Variants in HERC3 observed in about 807,000 individuals in gnomAD.
HERC3 encodes probable E3 ubiquitin-protein ligase HERC3.
Under a neutral mutation model 129.9 loss-of-function variants are expected in HERC3, and 58 were observed. The observed-to-expected ratio is 0.45, with a 90% CI of 0.36 to 0.56. HERC3 has a LOEUF of 0.56. HERC3 is among the 20% of genes least tolerant of loss of function. The pLI, the probability that HERC3 is intolerant of heterozygous loss-of-function variation, is 0.00. For missense variants in HERC3, 835 were observed against 1,244.2 expected, an observed-to-expected ratio of 0.67 and a Z score of 4.95; for synonymous variants, 430 against 451.0, an observed-to-expected ratio of 0.95 and a Z score of 0.59.
chr4:88,678,297 C>T (rs1242187386), intron 19 of HERC3, among the ~76,000 whole-genome samples, 163 bp downstream of exon 19: 1 of 152,166 alleles, frequency 6.6e-6, no homozygotes, highest in Non-Finnish European at 1.5e-5. Context: ...AAACAGAACA[C>T]CTCAATGTAA....
At chr4:88,634,168 G>C (rs556767388) in intron 3 of HERC3, among the ~76,000 whole-genome samples, 1 of 152,294 alleles carries the variant, frequency 6.6e-6, no homozygotes, top group East Asian at 1.9e-4. Flanking sequence ...GGTGGTTAGT[G>C]AGTGTGCTAC....
At chr4:88,618,859 A>G (rs1725205385) in intron 3 of HERC3, among the ~76,000 whole-genome samples, 1 of 152,256 alleles carries the variant, frequency 6.6e-6, no homozygotes, top group African/African-American at 2.4e-5. Flanking sequence ...GTCAGAAAAC[A>G]ACTAACACTA....
At chr4:88,631,870 C>T (rs1726805027) in intron 3 of HERC3, among the ~76,000 whole-genome samples, 1 of 152,316 alleles carries the variant, frequency 6.6e-6, no homozygotes, top group African/African-American at 2.4e-5. Context: ...ACATGCCTTC[C>T]TGTCTTCGAC....
chr4:88,581,209 C>T, the HERC3 span, among the ~76,000 whole-genome samples: 1 of 152,076 alleles, frequency 6.6e-6, no homozygotes, highest in Non-Finnish European at 1.5e-5. Context: ...GTTTCTAGAG[C>T]CAGCTTGTAA....
chr4:88,641,301 A>G (rs993248276), intron 3 of HERC3, among the ~76,000 whole-genome samples: 1 of 152,228 alleles, frequency 6.6e-6, no homozygotes, highest in Non-Finnish European at 1.5e-5. Flanking sequence ...TGTGGGATAT[A>G]GCTTAAAGCA....
At chr4:88,681,061 T>C in intron 20 of HERC3, 98 bp from the exon 21 acceptor site, 1 of 1,473,030 alleles carries the variant, frequency 6.8e-7, no homozygotes, top group Non-Finnish European at 9.0e-7. Flanking sequence ...GAGACCTTTA[T>C]TCTTTTATTT....
At chr4:88,651,233 T>A (rs1729241700) in intron 4 of HERC3, among the ~76,000 whole-genome samples, 1 of 152,230 alleles carries the variant, frequency 6.6e-6, no homozygotes. Context: ...TGAAGTAATC[T>A]GTTCTACAGT....
intron 23 of HERC3, among the ~76,000 whole-genome samples, chr4:88,702,679 A>G (rs906719118): frequency 6.6e-6 from 1 of 152,208 alleles, no homozygotes; most frequent in Non-Finnish European, 1.5e-5. Context: ...ATATTGCAAG[A>G]AAATGCTGCA....
the HERC3 span, among the ~76,000 whole-genome samples, chr4:88,578,245 G>A: frequency 1.3e-5 from 2 of 152,240 alleles, no homozygotes; most frequent in Non-Finnish European, 2.9e-5. Flanking sequence ...GAGAAAAAAT[G>A]TATCTATTGA....
upstream of HERC3, among the ~76,000 whole-genome samples, chr4:88,591,913 C>T (rs951183737): frequency 2.0e-5 from 3 of 152,024 alleles, no homozygotes; most frequent in African/African-American, 7.2e-5. Context: ...GGTCTTCGAT[C>T]CCCACCTCTC....
chr4:88,632,349 A>C (rs76078121), intron 3 of HERC3, among the ~76,000 whole-genome samples: 22,008 of 152,254 alleles, frequency 0.14, 1,738 homozygotes, highest in East Asian at 0.2. Flanking sequence ...AAGACCCAGA[A>C]TCTTGTAACG....
At chr4:88,676,680 C>T (rs899891565) in intron 18 of HERC3, among the ~76,000 whole-genome samples, 3 of 152,188 alleles carry the variant, frequency 2.0e-5, no homozygotes, top group African/African-American at 2.4e-5. Context: ...GTCTCTGTTA[C>T]AACTATTCAA....
At chr4:88,647,608 T>TGGAC (rs1219659275) in intron 3 of HERC3, among the ~76,000 whole-genome samples, 3 of 152,186 alleles carry the variant, frequency 2.0e-5, no homozygotes, top group Non-Finnish European at 1.5e-5. Flanking sequence ...TTAAAGAAGA[T>TGGAC]GGACAATGGG....
intron 21 of HERC3, among the ~76,000 whole-genome samples, chr4:88,683,956 C>T (rs1443588234): frequency 6.6e-6 from 1 of 151,976 alleles, no homozygotes; most frequent in African/African-American, 2.4e-5. Flanking sequence ...TACCACTGCT[C>T]AAAGAAATAA....
intron 23 of HERC3, among the ~76,000 whole-genome samples, chr4:88,698,033 C>T (rs1404447426): frequency 6.6e-6 from 1 of 152,160 alleles, no homozygotes; most frequent in Non-Finnish European, 1.5e-5. Flanking sequence ...TGTTCCCAGC[C>T]CACCCATGTA....
chr4:88,662,090 A>G (rs1730549922), intron 10 of HERC3, among the ~76,000 whole-genome samples: 1 of 152,192 alleles, frequency 6.6e-6, no homozygotes, highest in African/African-American at 2.4e-5. Context: ...AATGCAATTC[A>G]GTTATAACAG....
the HERC3 span, among the ~76,000 whole-genome samples, chr4:88,564,476 G>A: frequency 1.2e-4 from 19 of 152,258 alleles, no homozygotes; most frequent in East Asian, 2.1e-3. Context: ...GTCTATTCAC[G>A]TTTTGGATTT....
At chr4:88,645,615 A>C (rs1236739846) in intron 3 of HERC3, among the ~76,000 whole-genome samples, 2 of 152,142 alleles carry the variant, frequency 1.3e-5, no homozygotes, top group African/African-American at 4.8e-5. Context: ...CAATCTGATA[A>C]CAGGGGCAGC....
chr4:88,689,289 G>T (rs1470142423), intron 23 of HERC3, among the ~76,000 whole-genome samples: 1 of 151,262 alleles, frequency 6.6e-6, no homozygotes, highest in Non-Finnish European at 1.5e-5. Context: ...TGAATTGCTT[G>T]AGCTCAGAAG....
Sources: gnomAD v4.1 joint callset for allele counts (sites outside exome capture counted in the v4.1 genomes callset) on GRCh38, gnomAD v4.1.1 for gene constraint, MANE v1.5 for transcripts, NCBI Gene and HGNC (gene_info 2026-07-23, HGNC 2026-07-21) for gene names.